The following CCSER1 variants were observed in gnomAD, a reference collection of about 807,000 sequenced individuals.
CCSER1 encodes the protein serine-rich coiled-coil domain-containing protein 1.
In CCSER1, 41 loss-of-function variants were observed where a neutral mutation model predicts 82.0. The ratio of observed to expected loss-of-function variants is 0.50; its 90% CI spans 0.39 to 0.65. The LOEUF is 0.65. CCSER1 is among the 30% of genes least tolerant of loss of function. The probability of loss-of-function intolerance (pLI) is 0.00; values close to 1 mark genes in which losing one functional copy is unlikely to be tolerated. For missense variants in CCSER1, 1,119 were observed against 1,064.2 expected (o/e 1.05, Z -0.72); for synonymous variants, 414 against 383.9 (o/e 1.08, Z -0.92).
chr4:90,176,589 T>A (rs1226314867), intron 1 of CCSER1, among the ~76,000 whole-genome samples: 1 of 152,062 alleles, frequency 6.6e-6, no homozygotes, highest in Non-Finnish European at 1.5e-5. Flanking sequence ...TTTGGTCTGA[T>A]ACTGATACTT....
At chr4:90,807,609 A>G (rs1757689843) in intron 7 of CCSER1, among the ~76,000 whole-genome samples, 1 of 151,674 alleles carries the variant, frequency 6.6e-6, no homozygotes. Context: ...AATAATGACC[A>G]TGGTGAAAAT....
intron 1 of CCSER1, among the ~76,000 whole-genome samples, chr4:90,172,316 T>C (rs1578317354): frequency 1.3e-5 from 2 of 151,928 alleles, no homozygotes; most frequent in African/African-American, 4.8e-5. Context: ...CCAGAGAAAG[T>C]TGAAATAAAA....
At chr4:90,183,240 C>G (rs1238452536) in intron 1 of CCSER1, among the ~76,000 whole-genome samples, 6 of 152,060 alleles carry the variant, frequency 3.9e-5, no homozygotes, top group Non-Finnish European at 7.4e-5. Flanking sequence ...TAGCTTTCCT[C>G]CCATTCATAT....
intron 10 of CCSER1, among the ~76,000 whole-genome samples, chr4:91,211,530 G>T (rs781091220): frequency 6.6e-6 from 1 of 152,176 alleles, no homozygotes; most frequent in Admixed American, 6.6e-5. Flanking sequence ...AACTATTCAT[G>T]AGTTATAGGA....
intron 7 of CCSER1, among the ~76,000 whole-genome samples, chr4:90,757,499 G>T (rs1749719559): frequency 6.6e-6 from 1 of 152,104 alleles, no homozygotes; most frequent in Admixed American, 6.6e-5. Context: ...ATTTTGGTTT[G>T]GTCTATTGGG....
At chr4:91,351,536 T>C (rs2149300495) in intron 10 of CCSER1, among the ~76,000 whole-genome samples, 1 of 152,216 alleles carries the variant, frequency 6.6e-6, no homozygotes, top group East Asian at 1.9e-4. Context: ...AAATACTTAC[T>C]TATAAAATAA....
chr4:90,621,465 G>GTTT (rs566048910), intron 5 of CCSER1, among the ~76,000 whole-genome samples: 5 of 143,286 alleles, frequency 3.5e-5, no homozygotes, highest in African/African-American at 1.3e-4. Context: ...AAGTTTCTGG[G>GTTT]TTTTTTTTTT....
chr4:90,225,055 CT>C (rs1205380787), intron 1 of CCSER1, among the ~76,000 whole-genome samples: 1 of 151,322 alleles, frequency 6.6e-6, no homozygotes, highest in Non-Finnish European at 1.5e-5. Flanking sequence ...TTTAAAATGA[CT>C]TCCTTTTTTT....
chr4:90,837,205 G>A (rs1412532719), intron 8 of CCSER1, among the ~76,000 whole-genome samples: 2 of 152,068 alleles, frequency 1.3e-5, no homozygotes, highest in Non-Finnish European at 2.9e-5. Flanking sequence ...TCTGGAATTT[G>A]TCACTTTTAA....
intron 10 of CCSER1, among the ~76,000 whole-genome samples, chr4:91,455,903 G>A (rs1297528307): frequency 1.3e-4 from 20 of 152,028 alleles, no homozygotes; most frequent in Admixed American, 1.3e-3. Context: ...GGAAAATTTT[G>A]TCTGCAAACC....
At chr4:91,229,741 A>G (rs1279770566) in intron 10 of CCSER1, among the ~76,000 whole-genome samples, 1 of 152,180 alleles carries the variant, frequency 6.6e-6, no homozygotes, top group Non-Finnish European at 1.5e-5. Context: ...GGAACAGGAA[A>G]CCAAACACCG....
intron 1 of CCSER1, among the ~76,000 whole-genome samples, chr4:90,271,843 TA>T (rs1560918841): frequency 9.1e-4 from 21 of 22,982 alleles, no homozygotes; most frequent in Admixed American, 2.5e-3. Flanking sequence ...TATATATATA[TA>T]TATATATATA....
chr4:90,642,908 A>G (rs1373485993), intron 6 of CCSER1, among the ~76,000 whole-genome samples: 1 of 150,120 alleles, frequency 6.7e-6, no homozygotes, highest in African/African-American at 2.4e-5. Flanking sequence ...TTTTTTTTTT[A>G]AAGTAAAAGT....
chr4:90,386,901 G>A lies in CCSER1; in HGVS notation c.1510-13135G>A, dbSNP rs56066724. Among the ~76,000 whole-genome samples the A allele has an allele frequency of 3.5e-3, 539 of 151,964 alleles. 3 individuals are homozygous for A. The highest frequency in any genetic ancestry group is 0.012 in the African/African-American group (509 of 41,462). ...AGTAGCTGTTTCCTGCAACTAATAT[G>A]GTGTTTTTTTATGTCATTTATCAGT... On this transcript the variant is annotated intron_variant, in intron 3 of 10. Transcript: ENST00000509176.
intron 1 of CCSER1, among the ~76,000 whole-genome samples, chr4:90,150,065 A>G (rs1273092940): frequency 6.6e-6 from 1 of 152,166 alleles, no homozygotes; most frequent in Non-Finnish European, 1.5e-5. Context: ...GGCCCTCCAT[A>G]TAGGGGATAA....
At chr4:91,051,935 A>T (rs1031169896) in intron 9 of CCSER1, among the ~76,000 whole-genome samples, 4 of 152,118 alleles carry the variant, frequency 2.6e-5, no homozygotes, top group Non-Finnish European at 4.4e-5. Context: ...TTATAGTTGG[A>T]TAGTCATACT....
chr4:91,378,184 G>C (rs1336763069), intron 10 of CCSER1, among the ~76,000 whole-genome samples: 1 of 152,186 alleles, frequency 6.6e-6, no homozygotes, highest in Non-Finnish European at 1.5e-5. Flanking sequence ...CAGGTAGCGT[G>C]ATGCCTCCAA....
At chr4:90,944,202 A>G (rs150522445) in intron 9 of CCSER1, among the ~76,000 whole-genome samples, 2,914 of 148,322 alleles carry the variant, frequency 0.02, 101 homozygotes, top group African/African-American at 0.068. Flanking sequence ...ACTGCACTCC[A>G]GCCTGGGTGA....
chr4:91,573,728 C>T (rs6855442), intron 10 of CCSER1, among the ~76,000 whole-genome samples: 6 of 152,056 alleles, frequency 3.9e-5, no homozygotes, highest in Admixed American at 1.3e-4. Context: ...AGTCCCAATG[C>T]AAGTACCTGG....
Sources: allele counts gnomAD v4.1 joint callset (sites outside exome capture counted in the v4.1 genomes callset), GRCh38; gene constraint gnomAD v4.1.1; transcripts MANE v1.5; gene names NCBI Gene and HGNC (gene_info 2026-07-23, HGNC 2026-07-21).